C1orf105: variants seen among roughly 807,000 people sequenced by gnomAD.
C1orf105 encodes the protein chromosome 1 open reading frame 105, also known as uncharacterized protein C1orf105.
C1orf105 carries 17 observed loss-of-function variants against 20.8 expected under a neutral mutation model. The observed-to-expected ratio is 0.82, with a 90% CI of 0.56 to 1.23. C1orf105 has a LOEUF of 1.23. Among genes scored for constraint, C1orf105 ranks in the 50% most tolerant of loss-of-function variants. C1orf105 has a pLI of 0.00. For missense variants in C1orf105, 219 were observed against 213.5 expected (o/e 1.03, Z -0.16); for synonymous variants, 72 against 72.1 (o/e 1.00, Z 0.01).
intron 4 of C1orf105, among the ~76,000 whole-genome samples, chr1:172,459,118 A>T (rs1649515340): frequency 6.6e-6 from 1 of 152,214 alleles, no homozygotes; most frequent in South Asian, 2.1e-4. Context: ...ATAAAGCTTC[A>T]TGACCTTGGA....
chr1:172,446,830 A>G (rs1648065442), intron 2 of C1orf105, among the ~76,000 whole-genome samples: 1 of 152,304 alleles, frequency 6.6e-6, no homozygotes, highest in Admixed American at 6.5e-5. Flanking sequence ...CTGGAAAGGG[A>G]GTGGGCAGTT....
chr1:172,447,618 G>C (rs577384601), intron 2 of C1orf105, among the ~76,000 whole-genome samples: 1 of 152,218 alleles, frequency 6.6e-6, no homozygotes, highest in African/African-American at 2.4e-5. Context: ...GTCTTACAGG[G>C]CCCAGGGAAG....
At chr1:172,429,491 A>C (rs1294465532) in intron 1 of C1orf105, among the ~76,000 whole-genome samples, 1 of 152,248 alleles carries the variant, frequency 6.6e-6, no homozygotes, top group Non-Finnish European at 1.5e-5. Flanking sequence ...CACTTCCACA[A>C]GATGGCACTG....
intron 1 of C1orf105, among the ~76,000 whole-genome samples, chr1:172,427,857 C>A (rs1159067583): frequency 6.6e-6 from 1 of 152,198 alleles, no homozygotes; most frequent in African/African-American, 2.4e-5. Flanking sequence ...AGTCTCACAG[C>A]ATTAAATATC....
At chr1:172,463,842 G>A (rs891964160) in intron 5 of C1orf105, among the ~76,000 whole-genome samples, 2 of 152,172 alleles carry the variant, frequency 1.3e-5, no homozygotes, top group African/African-American at 4.8e-5. Flanking sequence ...TCAACCAGAC[G>A]TATCATGAGA....
intron 3 of C1orf105, among the ~76,000 whole-genome samples, chr1:172,454,957 A>G (rs1262500403): frequency 6.6e-6 from 1 of 152,186 alleles, no homozygotes; most frequent in Non-Finnish European, 1.5e-5. Flanking sequence ...TGTCTTCCTT[A>G]GAAACTTCCT....
intron 3 of C1orf105, among the ~76,000 whole-genome samples, chr1:172,449,625 A>G (rs1291721532): frequency 1.3e-5 from 2 of 152,178 alleles, no homozygotes; most frequent in Non-Finnish European, 2.9e-5. Flanking sequence ...GGCCCAGCTA[A>G]TGCACACAGG....
intron 1 of C1orf105, chr1:172,441,921 A>G: frequency 3.1e-6 from 5 of 1,614,132 alleles, no homozygotes; most frequent in Non-Finnish European, 4.2e-6. Flanking sequence ...AAAATGCAAA[A>G]AGCAGTGTGA....
chr1:172,427,672 ACT>A (rs2071757021), intron 1 of C1orf105, among the ~76,000 whole-genome samples: 1 of 152,024 alleles, frequency 6.6e-6, no homozygotes. Flanking sequence ...TTGATCACCC[ACT>A]CTCTCTGGAG....
intron 3 of C1orf105, 121 bp from the exon 4 acceptor site, chr1:172,456,294 A>C: frequency 1.2e-6 from 1 of 811,898 alleles, no homozygotes; most frequent in Non-Finnish European, 2.1e-6. Flanking sequence ...CAGAGTGCCC[A>C]TCTCTGTTTT....
chr1:172,460,088 T>C (rs1437862294), intron 4 of C1orf105, among the ~76,000 whole-genome samples: 1 of 152,158 alleles, frequency 6.6e-6, no homozygotes, highest in Non-Finnish European at 1.5e-5. Flanking sequence ...TGGTTTCTTT[T>C]TGGGGTCATG....
intron 1 of C1orf105, among the ~76,000 whole-genome samples, chr1:172,436,079 C>G (rs895252094): frequency 1.3e-5 from 2 of 152,060 alleles, no homozygotes; most frequent in African/African-American, 2.4e-5. Flanking sequence ...CACTGCTCAA[C>G]AAAATAAAAG....
intron 1 of C1orf105, chr1:172,444,090 G>T: frequency 1.0e-6 from 1 of 996,704 alleles, no homozygotes; most frequent in Non-Finnish European, 1.2e-6. Flanking sequence ...TTCCGGGTCC[G>T]CCGCAATCTC....
chr1:172,445,203 A>C, intron 2 of C1orf105, 45 bp downstream of exon 2: 833 of 1,422,702 alleles, frequency 5.9e-4, no homozygotes, highest in Non-Finnish European at 7.5e-4. Context: ...GAAACATCTC[A>C]CAGAAGATGA....
chr1:172,445,081 T>C lies in C1orf105; in HGVS notation c.30T>C (p.Val10=), dbSNP rs758574803. The C allele has an allele frequency of 1.9e-6, 3 of 1,612,912 alleles. No homozygotes were observed. Among genetic ancestry groups the C allele is most frequent in the Non-Finnish European group, 2.5e-6 (3 of 1,179,268 alleles). ...TCTCTATTTCCCTCTAGGCTTCTGT[T>C]CCAAAATTTGACAAGATTCCTTGGC... MEKRELKAS[V]PKFDKIPWLS... The change falls in exon 2 of 7, where the codon GTT becomes GTC. Residue 10 remains valine (V), a synonymous_variant. Transcript: ENST00000367727.
chr1:172,435,475 A>G (rs1355722922), intron 1 of C1orf105, among the ~76,000 whole-genome samples: 1 of 152,216 alleles, frequency 6.6e-6, no homozygotes, highest in Non-Finnish European at 1.5e-5. Context: ...CATCACATAA[A>G]CAGAACCAAC....
At chr1:172,467,405 C>A (rs1398220012) in intron 6 of C1orf105, among the ~76,000 whole-genome samples, 2 of 152,164 alleles carry the variant, frequency 1.3e-5, no homozygotes, top group Non-Finnish European at 2.9e-5. Flanking sequence ...ATAGAAAGAA[C>A]TTATCTTTAC....
chr1:172,457,647 A>C (rs1269374261), intron 4 of C1orf105, among the ~76,000 whole-genome samples: 1 of 152,208 alleles, frequency 6.6e-6, no homozygotes, highest in East Asian at 1.9e-4. Context: ...CCTTGTGTCC[A>C]CATTTAGAAT....
At chr1:172,428,972 G>T (rs1006660271) in intron 1 of C1orf105, 31 of 550,750 alleles carry the variant, frequency 5.6e-5, no homozygotes, top group African/African-American at 4.3e-4. Flanking sequence ...GTTGGATACT[G>T]GGGGAAGAGA....
Sources: gnomAD v4.1 joint callset for allele counts (sites outside exome capture counted in the v4.1 genomes callset) on GRCh38, gnomAD v4.1.1 for gene constraint, MANE v1.5 for transcripts, NCBI Gene and HGNC (gene_info 2026-07-23, HGNC 2026-07-21) for gene names.